RAPGEF4: variants seen among roughly 807,000 people sequenced by gnomAD.
RAPGEF4 encodes the protein RAP guanine-nucleotide-exchange factor (GEF) 4.
A neutral mutation model predicts 147.9 loss-of-function variants in RAPGEF4; 66 were observed. The observed-to-expected ratio is 0.45, with a 90% confidence interval of 0.37 to 0.55. RAPGEF4 has a LOEUF of 0.55. Among genes scored for constraint, RAPGEF4 ranks in the 20% least tolerant of loss-of-function variants. The pLI is 0.00. For synonymous variants in RAPGEF4, 419 were observed against 442.7 expected, an observed-to-expected ratio of 0.95 and a Z score of 0.67; for missense variants, 1,071 against 1,257.3, an observed-to-expected ratio of 0.85 and a Z score of 2.24.
rs374393568 is a variant in RAPGEF4, at chr2:172,873,258, T to C, written c.445-44544T>C. ...TCAAGATTCATCCAGTTTTACGTCT[T>C]GTCTGGAAATGTTCTCATGTTTCTC... is the stretch of plus-strand genomic sequence containing the variant. On this transcript the variant is annotated intron_variant, in intron 4 of 30. Transcript: ENST00000397081. Among the ~76,000 whole-genome samples, 26 of 152,326 alleles carry C rather than the reference T, an allele frequency of 1.7e-4. No homozygotes were observed. The East Asian group carries it at 3.9e-3, about 23-fold the overall frequency.
intron 17 of RAPGEF4, among the ~76,000 whole-genome samples, chr2:173,010,253 G>A (rs1464081372): frequency 6.6e-6 from 1 of 152,164 alleles, no homozygotes; most frequent in Non-Finnish European, 1.5e-5. Flanking sequence ...CCTTAATGGT[G>A]TTTAAAATAC....
intron 4 of RAPGEF4, among the ~76,000 whole-genome samples, chr2:172,882,517 C>T (rs1480403540): frequency 1.3e-5 from 2 of 152,186 alleles, no homozygotes; most frequent in Non-Finnish European, 2.9e-5. Context: ...GTTCAAAATG[C>T]ACTATGAGAA....
intron 4 of RAPGEF4, among the ~76,000 whole-genome samples, chr2:172,826,541 T>C (rs1354856218): frequency 6.6e-6 from 1 of 152,238 alleles, no homozygotes; most frequent in Non-Finnish European, 1.5e-5. Flanking sequence ...ACAATTCCTA[T>C]TAAAAGCACA....
intron 3 of RAPGEF4, 34 bp downstream of exon 3, chr2:172,797,647 A>C (rs763998180): frequency 1.3e-6 from 2 of 1,509,816 alleles, no homozygotes; most frequent in Non-Finnish European, 1.8e-6. Flanking sequence ...AGTAGGATTT[A>C]TTTTTTTTAA....
chr2:173,039,423 C>T (rs1684469217), intron 29 of RAPGEF4, among the ~76,000 whole-genome samples: 1 of 151,872 alleles, frequency 6.6e-6, no homozygotes. Flanking sequence ...CGAGATTGCA[C>T]CACTGCGCTC....
intron 4 of RAPGEF4, chr2:172,889,728 T>C: frequency 3.4e-6 from 2 of 587,446 alleles, no homozygotes; most frequent in South Asian, 7.5e-5. Context: ...ACTAATCTGA[T>C]TTGTTACTTT....
intron 4 of RAPGEF4, chr2:172,822,004 T>C: frequency 6.2e-7 from 1 of 1,611,042 alleles, no homozygotes; most frequent in Non-Finnish European, 8.5e-7. Flanking sequence ...TATTTTTTAG[T>C]GAAGGGTGGG....
chr2:173,045,283 C>G (rs1007444208), intron 29 of RAPGEF4, among the ~76,000 whole-genome samples: 1 of 152,232 alleles, frequency 6.6e-6, no homozygotes, highest in Non-Finnish European at 1.5e-5. Context: ...TTCATGAATA[C>G]TTCAACAGAT....
chr2:172,780,169 A>G (rs1684548364), intron 1 of RAPGEF4, among the ~76,000 whole-genome samples: 1 of 152,184 alleles, frequency 6.6e-6, no homozygotes, highest in African/African-American at 2.4e-5. Context: ...TAACAAGAAA[A>G]AAAACAAACA....
rs188372093 is a variant in RAPGEF4, at chr2:172,826,985, G to A, written c.444+12560G>A. ...TTCTCAAAAAAAAAAAGAAAAGTAT[G>A]AAGTTTTAAAATAGTGTTTTAAATG... On this transcript the variant is annotated intron_variant, in intron 4 of 30. Transcript: ENST00000397081. Among the ~76,000 whole-genome samples, 858 of 151,912 alleles carry A rather than the reference G, an allele frequency of 5.6e-3. 8 individuals are homozygous for A. Among genetic ancestry groups the A allele is most frequent in the African/African-American group, 0.02 (832 of 41,420 alleles).
intron 4 of RAPGEF4, among the ~76,000 whole-genome samples, chr2:172,849,652 A>G (rs573231052): frequency 6.6e-6 from 1 of 152,278 alleles, no homozygotes; most frequent in African/African-American, 2.4e-5. Flanking sequence ...TATTAATAGG[A>G]CATGCCCTTT....
intron 29 of RAPGEF4, among the ~76,000 whole-genome samples, chr2:173,040,706 G>A (rs969970094): frequency 1.3e-5 from 2 of 152,178 alleles, no homozygotes; most frequent in African/African-American, 4.8e-5. Context: ...TATGAAATAA[G>A]GATTAGAGAA....
rs549916458 is a variant in RAPGEF4, at chr2:172,809,816, A to AGT, written c.298-4461_298-4460dup. On this transcript the variant is annotated intron_variant, in intron 3 of 30. Transcript: ENST00000397081. ...ACCAAGTGCTGGTATAACAGGAATG[A>AGT]GTGATTCAATTCAATTCTTAATTAC... Among the ~76,000 whole-genome samples the AGT allele has an allele frequency of 5.1e-4, 77 of 152,306 alleles. 1 individual carries two copies. Among genetic ancestry groups the AGT allele is most frequent in the African/African-American group, 1.8e-3 (73 of 41,574 alleles).
intron 3 of RAPGEF4, among the ~76,000 whole-genome samples, chr2:172,807,957 A>T (rs1354391735): frequency 2.0e-5 from 3 of 152,200 alleles, no homozygotes; most frequent in African/African-American, 7.2e-5. Context: ...ATTACAGTAC[A>T]ATTTTTAGAA....
rs1024400284 is a variant in RAPGEF4, at chr2:172,928,809, C to T, written c.537+6509C>T. 4.6e-5 allele frequency among the ~76,000 whole-genome samples: 7 copies of T among 152,152 alleles called. 1 individual carries two copies. ...TATCCCAGATAACCTGTGTAATGTTCGATAGTTTAATAATAATAATAAAAG... is the reference window on the plus strand; with the variant it reads ...TATCCCAGATAACCTGTGTAATGTTTGATAGTTTAATAATAATAATAAAAG... On this transcript the variant is annotated intron_variant, in intron 6 of 30. Transcript: ENST00000397081.
At chr2:172,859,069 T>G (rs925434791) in intron 4 of RAPGEF4, among the ~76,000 whole-genome samples, 5 of 152,190 alleles carry the variant, frequency 3.3e-5, no homozygotes, top group African/African-American at 1.2e-4. Flanking sequence ...TGAAAATGGG[T>G]GTGTTAAATT....
intron 8 of RAPGEF4, among the ~76,000 whole-genome samples, chr2:172,962,850 C>T: frequency 6.6e-6 from 1 of 152,110 alleles, no homozygotes; most frequent in Admixed American, 6.6e-5. Flanking sequence ...GTCCTGTTCT[C>T]CAACACCAGA....
intron 8 of RAPGEF4, chr2:172,965,132 G>T (rs1483165583): frequency 1.1e-5 from 2 of 175,006 alleles, no homozygotes; most frequent in African/African-American, 4.7e-5. Flanking sequence ...GCACCTCTGA[G>T]TGCCTCATAA....
chr2:172,825,543 A>T (rs532084645), intron 4 of RAPGEF4, among the ~76,000 whole-genome samples: 1 of 152,218 alleles, frequency 6.6e-6, no homozygotes, highest in Admixed American at 6.5e-5. Flanking sequence ...TAAATACCCA[A>T]TGTAACATAT....
Sources: allele counts gnomAD v4.1 joint callset (sites outside exome capture counted in the v4.1 genomes callset), GRCh38; gene constraint gnomAD v4.1.1; transcripts MANE v1.5; gene names NCBI Gene and HGNC (gene_info 2026-07-23, HGNC 2026-07-21).